The following FBXL5 variants were observed in gnomAD, a reference collection of about 807,000 sequenced individuals.
FBXL5 encodes F-box and leucine rich repeat protein 5.
FBXL5 carries 26 observed loss-of-function variants against 78.3 expected under a neutral mutation model. The observed-to-expected ratio is 0.33, with a 90% CI of 0.24 to 0.46. The LOEUF (loss-of-function observed/expected upper bound fraction) is 0.46. Among genes scored for constraint, FBXL5 ranks in the 20% least tolerant of loss-of-function variants. The pLI, the probability that FBXL5 is intolerant of heterozygous loss-of-function variation, is 1.00. For missense variants in FBXL5, 710 were observed against 829.2 expected, an observed-to-expected ratio of 0.86 and a Z score of 1.77; for synonymous variants, 295 against 282.5, an observed-to-expected ratio of 1.04 and a Z score of -0.45.
intron 1 of FBXL5, among the ~76,000 whole-genome samples, chr4:15,652,985 T>C (rs1391789034): frequency 2.0e-5 from 3 of 152,164 alleles, no homozygotes; most frequent in African/African-American, 7.2e-5. Flanking sequence ...TTTAATTCCT[T>C]TAAGATTACT....
chr4:15,615,838 T>C (rs560091027), intron 9 of FBXL5, among the ~76,000 whole-genome samples: 2 of 152,070 alleles, frequency 1.3e-5, no homozygotes, highest in South Asian at 4.2e-4. Context: ...GATAAGAGAA[T>C]AAAAAGCAGG....
At chr4:15,618,671 G>A (rs1205761645) in intron 9 of FBXL5, among the ~76,000 whole-genome samples, 6 of 151,548 alleles carry the variant, frequency 4.0e-5, no homozygotes, top group Admixed American at 6.6e-5. Flanking sequence ...GTGAAACCCC[G>A]TCTCCACTAA....
chr4:15,679,063 A>ATTTT (rs60866290), intron 1 of FBXL5, among the ~76,000 whole-genome samples: 8 of 118,756 alleles, frequency 6.7e-5, no homozygotes, highest in African/African-American at 2.5e-4. Context: ...TAAAATCTCT[A>ATTTT]TTTTTTTTTT....
intron 1 of FBXL5, among the ~76,000 whole-genome samples, chr4:15,667,518 TA>T (rs1489782360): frequency 6.6e-6 from 1 of 152,028 alleles, no homozygotes; most frequent in South Asian, 2.1e-4. Flanking sequence ...AAAATAGTAT[TA>T]AAAAATAGCT....
intron 1 of FBXL5, among the ~76,000 whole-genome samples, chr4:15,645,274 T>G (rs939121843): frequency 1.3e-5 from 2 of 152,144 alleles, no homozygotes; most frequent in African/African-American, 4.8e-5. Context: ...AAATTATTCC[T>G]ACTATACATA....
In FBXL5 at chr4:15,655,294, T is replaced by TGCCTCAGCCTCC; in HGVS notation, c.-19_-8dup. The stretch of plus-strand genomic sequence containing the variant: ...CTTCAGGAAAGGGCGCCATCGCCAC[T>TGCCTCAGCCTCC]GCCTCAGCCTCCGCCTCAGCAGCCG... On this transcript the variant is annotated 5_prime_UTR_variant, in exon 1 of 11. Coordinates refer to ENST00000341285, the MANE Select transcript of FBXL5 (RefSeq NM_012161.4). 1 of 1,406,364 alleles carries TGCCTCAGCCTCC rather than the reference T, an allele frequency of 7.1e-7. No homozygotes were observed. Among genetic ancestry groups the TGCCTCAGCCTCC allele is most frequent in the East Asian group, 3.3e-5 (1 of 30,592 alleles). The allele number at this position is 1,406,364 out of a possible 1,614,324, so 87.1% of individuals were successfully genotyped here. A position where few individuals can be genotyped will look rare whatever the true frequency, so the allele number is the denominator to read the frequency against.
intron 9 of FBXL5, among the ~76,000 whole-genome samples, chr4:15,614,973 G>A (rs905934426): frequency 6.6e-6 from 1 of 152,156 alleles, no homozygotes; most frequent in Non-Finnish European, 1.5e-5. Context: ...CTGGAGTTCC[G>A]GGTGGGCGTG....
At chr4:15,635,009 CA>C (rs944726423) in intron 5 of FBXL5, among the ~76,000 whole-genome samples, 3 of 151,818 alleles carry the variant, frequency 2.0e-5, no homozygotes, top group African/African-American at 4.8e-5. Context: ...TAGCTTCATT[CA>C]AAAAAATATC....
chr4:15,624,585 T>C (rs1235083519), intron 9 of FBXL5, among the ~76,000 whole-genome samples: 2 of 151,104 alleles, frequency 1.3e-5, no homozygotes, highest in African/African-American at 4.9e-5. Context: ...TCAGCCCTTC[T>C]TTCCTCTAGG....
chr4:15,625,299 C>A lies in FBXL5; in HGVS notation c.1803G>T (p.Leu601=). The change falls in exon 9 of 11, where the codon CTG becomes CTT. Residue 601 remains leucine (L), a synonymous_variant. Transcript: ENST00000341285. Reference sequence around the variant, plus strand: ...GATAACATCCAGATAAACTGAGAAACAGAAGTACACGTCCAGTCTCTTGAT... The same window carrying A: ...GATAACATCCAGATAAACTGAGAAAAAGAAGTACACGTCCAGTCTCTTGAT... ...KSDQETGRVL[L]FLSLSGCYQI... is the part of the protein sequence containing the mutation. 6.2e-7 allele frequency: 1 copy of A among 1,613,828 alleles called. No homozygotes were observed. The highest frequency in any genetic ancestry group is 2.2e-5 in the East Asian group (1 of 44,880).
At chr4:15,667,453 A>G (rs1388394710) in intron 1 of FBXL5, among the ~76,000 whole-genome samples, 3 of 152,168 alleles carry the variant, frequency 2.0e-5, no homozygotes, top group Admixed American at 2.0e-4. Flanking sequence ...GCAAAATCAT[A>G]TATTATCTCA....
chr4:15,637,687 T>A (rs1248345321), intron 4 of FBXL5, among the ~76,000 whole-genome samples: 1 of 152,172 alleles, frequency 6.6e-6, no homozygotes, highest in Non-Finnish European at 1.5e-5. Context: ...AAGCTACATT[T>A]CATAGTAAGG....
upstream of FBXL5, chr4:15,659,598 C>G (rs1248204412): frequency 3.8e-6 from 1 of 261,974 alleles, no homozygotes; most frequent in African/African-American, 2.3e-5. Flanking sequence ...TTAGATAATA[C>G]TAAAATCATA....
At chr4:15,653,812 C>G (rs1029528514) in intron 1 of FBXL5, among the ~76,000 whole-genome samples, 9 of 152,284 alleles carry the variant, frequency 5.9e-5, no homozygotes, top group Admixed American at 4.6e-4. Context: ...TGGTTCTCAC[C>G]CTCAGCTGCA....
intron 5 of FBXL5, 143 bp downstream of exon 5, chr4:15,636,351 T>C (rs1422206865): frequency 9.7e-6 from 6 of 615,554 alleles, no homozygotes; most frequent in Non-Finnish European, 9.9e-6. Context: ...TCCAAAAATA[T>C]ATACCACCAA....
Position 15,625,266 on chromosome 4 carries a change from T to C in FBXL5, c.1836A>G (p.Thr612=). Reference sequence around the variant, plus strand: ...TGATAACTCACCTGAGACCATGGTCTGTGATCTGATAACATCCAGATAAAC... The same window carrying C: ...TGATAACTCACCTGAGACCATGGTCCGTGATCTGATAACATCCAGATAAAC... The part of the protein sequence containing the change: ...FLSLSGCYQI[T]DHGLRVLTLG... Residue 612 remains threonine, a synonymous_variant, in exon 9 of 11, where the codon ACA becomes ACG. Coordinates refer to ENST00000341285, the MANE Select transcript of FBXL5 (RefSeq NM_012161.4). 6.2e-7 allele frequency: 1 copy of C among 1,611,238 alleles called. No individual in the cohort carries two copies. The highest frequency in any genetic ancestry group is 1.1e-5 in the South Asian group (1 of 90,668).
intron 1 of FBXL5, among the ~76,000 whole-genome samples, chr4:15,646,631 G>C (rs991632721): frequency 1.8e-4 from 27 of 151,716 alleles, no homozygotes; most frequent in African/African-American, 6.5e-4. Context: ...GTGCCATGTT[G>C]GTGTGCTGCA....
chr4:15,627,275 C>T (rs1014242014), intron 7 of FBXL5, among the ~76,000 whole-genome samples: 1 of 151,836 alleles, frequency 6.6e-6, no homozygotes, highest in Non-Finnish European at 1.5e-5. Context: ...GCTGAGACTA[C>T]AGGCACACGC....
intron 5 of FBXL5, 110 bp from the exon 6 acceptor site, chr4:15,630,901 G>T: frequency 7.3e-7 from 1 of 1,366,546 alleles, no homozygotes; most frequent in Non-Finnish European, 1.0e-6. Context: ...AAACATCTGA[G>T]CCCTAGGCAA....
Sources: gnomAD v4.1 joint callset for allele counts (sites outside exome capture counted in the v4.1 genomes callset) on GRCh38, gnomAD v4.1.1 for gene constraint, MANE v1.5 for transcripts, NCBI Gene and HGNC (gene_info 2026-07-23, HGNC 2026-07-21) for gene names.